Variants in KLHL12 observed in about 807,000 individuals in gnomAD.
KLHL12 encodes the protein kelch like family member 12, also known as kelch-like protein 12.
In KLHL12, 17 loss-of-function variants were observed where a neutral mutation model predicts 60.8. That is an observed-to-expected ratio of 0.28 (90% CI 0.19 to 0.42). KLHL12 has a LOEUF of 0.42. KLHL12 is among the 10% of genes least tolerant of loss of function. KLHL12 has a pLI of 1.00. For synonymous variants in KLHL12, 220 were observed against 250.9 expected (o/e 0.88, Z 1.16); for missense variants, 468 against 722.3 (o/e 0.65, Z 4.04).
Position 202,891,648 on chromosome 1 carries a change from T to C in KLHL12, c.*885A>G, listed in dbSNP as rs1481084017. The C allele has an allele frequency of 1.3e-5, 2 of 152,238 alleles. No individual in the cohort carries two copies. 9.4% of individuals were successfully genotyped at this position (152,238 alleles called of 1,614,324 possible). On this transcript the variant is annotated 3_prime_UTR_variant, in exon 12 of 12. Transcript: ENST00000367261. Reference sequence around the variant, plus strand: ...CCCCCATTCAAGGCAAACATTGCCATGGCTAGATGAGCCCTGGCAGGTAAT... The same window carrying C: ...CCCCCATTCAAGGCAAACATTGCCACGGCTAGATGAGCCCTGGCAGGTAAT...
In KLHL12 at chr1:202,892,391, A is replaced by C; in HGVS notation, c.*142T>G. ...CAGGACGACGGGGAGTATGTGTCAAATAAGTACAATCATCACTGCACTGGT... is the reference window on the plus strand; with the variant it reads ...CAGGACGACGGGGAGTATGTGTCAACTAAGTACAATCATCACTGCACTGGT... On this transcript the variant is annotated 3_prime_UTR_variant, in exon 12 of 12. Transcript: ENST00000367261. 2.3e-6 allele frequency: 2 copies of C among 853,518 alleles called. No individual in the cohort carries two copies. Among genetic ancestry groups the C allele is most frequent in the South Asian group, 2.1e-5 (1 of 47,290 alleles). The allele number at this position is 853,518 out of a possible 1,614,324, so 52.9% of individuals were successfully genotyped here. A position where few individuals can be genotyped will look rare whatever the true frequency, so the allele number is the denominator to read the frequency against.
intron 4 of KLHL12, chr1:202,912,654 T>C (rs1205007071): frequency 3.8e-6 from 5 of 1,309,766 alleles, no homozygotes; most frequent in Non-Finnish European, 5.4e-6. Context: ...AGGCCAATAC[T>C]CTGCCAAACC....
At chr1:202,915,532 G>A (rs951226355) in intron 4 of KLHL12, among the ~76,000 whole-genome samples, 25 of 152,028 alleles carry the variant, frequency 1.6e-4, no homozygotes, top group African/African-American at 6.0e-4. Flanking sequence ...TCTAAATAAG[G>A]TTAGTTATTT....
chr1:202,902,195 G>T (rs1660026428), intron 6 of KLHL12, among the ~76,000 whole-genome samples: 1 of 152,178 alleles, frequency 6.6e-6, no homozygotes, highest in Non-Finnish European at 1.5e-5. Flanking sequence ...ACTTTGGGAG[G>T]CTGAGATGAG....
At chr1:202,920,166 T>C (rs1465554410) in intron 2 of KLHL12, among the ~76,000 whole-genome samples, 1 of 151,030 alleles carries the variant, frequency 6.6e-6, no homozygotes, top group Non-Finnish European at 1.5e-5. Flanking sequence ...ATACAAAAAT[T>C]AGTTGGGCAT....
intron 6 of KLHL12, among the ~76,000 whole-genome samples, chr1:202,901,572 G>A (rs1216185430): frequency 6.6e-6 from 1 of 151,848 alleles, no homozygotes; most frequent in Non-Finnish European, 1.5e-5. Context: ...AAAGTGCTGG[G>A]ATTACAGACA....
intron 4 of KLHL12, chr1:202,911,694 C>G: frequency 1.8e-6 from 1 of 548,852 alleles, no homozygotes; most frequent in Non-Finnish European, 3.2e-6. Flanking sequence ...TCACCCAAGC[C>G]TCTGAAGCAG....
rs117012328 is a variant in KLHL12, at chr1:202,902,919, G to A, written c.833-5959C>T. On this transcript the variant is annotated intron_variant, in intron 6 of 11. Coordinates refer to ENST00000367261, the MANE Select transcript of KLHL12 (RefSeq NM_021633.4). ...AGGCTGAGGTGGGAGGATCACTTGA[G>A]TCCAGGAAGTGGACGCTGCAGTGAG... 2.6e-3 allele frequency among the ~76,000 whole-genome samples: 390 copies of A among 152,112 alleles called. 2 individuals carry two copies. The East Asian group carries it at 0.039, about 15-fold the overall frequency.
intron 2 of KLHL12, 27 bp downstream of exon 2, chr1:202,924,941 T>C (rs114725867): frequency 3.9e-4 from 625 of 1,600,028 alleles, no homozygotes; most frequent in Non-Finnish European, 5.0e-4. Flanking sequence ...ACGGGTTTCA[T>C]TTGTGTGGGG....
chr1:202,898,362 A>G lies in KLHL12; in HGVS notation c.833-1402T>C, dbSNP rs557501619. Among the ~76,000 whole-genome samples, 28 of 152,356 alleles carry G rather than the reference A, an allele frequency of 1.8e-4. 2 individuals are homozygous for G. In the South Asian group the frequency reaches 5.2e-3, roughly 28 times the overall value. On this transcript the variant is annotated intron_variant, in intron 6 of 11. Transcript: ENST00000367261. ...ATCTTATGAGTAACCTGGACTTGAA[A>G]GAGCAAATGTAGTACCTTGAAGCTG... is the stretch of plus-strand genomic sequence containing the variant.
At chr1:202,916,322 G>A (rs1263497238) in intron 4 of KLHL12, among the ~76,000 whole-genome samples, 1 of 152,238 alleles carries the variant, frequency 6.6e-6, no homozygotes. Flanking sequence ...AGTCACTAGA[G>A]AAAGGTGTAA....
intron 2 of KLHL12, 44 bp downstream of exon 2, chr1:202,924,924 G>C (rs1415641744): frequency 6.3e-7 from 1 of 1,581,742 alleles, no homozygotes; most frequent in Non-Finnish European, 8.6e-7. Context: ...TAGACAACTA[G>C]AGTTCCACGG....
chr1:202,924,890 T>C, intron 2 of KLHL12, 78 bp downstream of exon 2: 9 of 1,509,502 alleles, frequency 6.0e-6, no homozygotes, highest in Non-Finnish European at 8.0e-6. Context: ...TATATCAAAC[T>C]TCCACTATTT....
intron 2 of KLHL12, among the ~76,000 whole-genome samples, chr1:202,920,368 G>GGTTT (rs1660649914): frequency 1.9e-5 from 2 of 103,044 alleles, no homozygotes; most frequent in African/African-American, 6.6e-5. Flanking sequence ...TATTTTGTTG[G>GGTTT]ATTTTTTTTT....
At chr1:202,922,283 G>GC (rs994030835) in intron 2 of KLHL12, among the ~76,000 whole-genome samples, 10 of 32,992 alleles carry the variant, frequency 3.0e-4, no homozygotes, top group East Asian at 1.3e-3. Context: ...AAGAGATAAA[G>GC]GGGGGCCGGG....
rs892649981 is a variant in KLHL12 at position 202,926,594 on chromosome 1, G to A, written c.-46+495C>T. 2.0e-5 allele frequency among the ~76,000 whole-genome samples: 3 copies of A among 152,166 alleles called. No homozygotes were observed. In the South Asian group the frequency reaches 6.2e-4, roughly 32 times the overall value. ...TGTCCATTTACTATGAAGACAGCCC[G>A]GGGGGTCTTTTATCGTTTCCGTGTC... On this transcript the variant is annotated intron_variant, in intron 1 of 11. Transcript: ENST00000367261.
chr1:202,912,394 G>A (rs1177768773), intron 4 of KLHL12: 2 of 807,434 alleles, frequency 2.5e-6, no homozygotes, highest in African/African-American at 1.7e-5. Flanking sequence ...TCCAGCCAAA[G>A]AAGTCGAAGT....
chr1:202,901,081 T>C (rs1299992766), intron 6 of KLHL12, among the ~76,000 whole-genome samples: 1 of 152,160 alleles, frequency 6.6e-6, no homozygotes. Context: ...TCTTTCTTGA[T>C]ATGATTTCAT....
intron 6 of KLHL12, among the ~76,000 whole-genome samples, chr1:202,905,250 T>C (rs1428528845): frequency 6.6e-6 from 1 of 152,238 alleles, no homozygotes; most frequent in Non-Finnish European, 1.5e-5. Context: ...TGTTCAGAGA[T>C]ATGCAAGAAA....
Sources: gnomAD v4.1 joint callset for allele counts (sites outside exome capture counted in the v4.1 genomes callset) on GRCh38, gnomAD v4.1.1 for gene constraint, MANE v1.5 for transcripts, NCBI Gene and HGNC (gene_info 2026-07-23, HGNC 2026-07-21) for gene names.